Variants in PRKCE observed in about 807,000 individuals in gnomAD.
PRKCE encodes protein kinase C epsilon.
In PRKCE, 16 loss-of-function variants were observed where a neutral mutation model predicts 85.4. The observed-to-expected ratio is 0.19, with a 90% CI of 0.13 to 0.28. PRKCE has a LOEUF of 0.28. PRKCE is among the 10% of genes least tolerant of loss of function. The pLI is 1.00. For missense variants in PRKCE, 573 were observed against 975.2 expected (o/e 0.59, Z 5.49); for synonymous variants, 388 against 371.5 (o/e 1.04, Z -0.51).
At chr2:45,999,983 C>G (rs144445538) in intron 6 of PRKCE, among the ~76,000 whole-genome samples, 1 of 152,200 alleles carries the variant, frequency 6.6e-6, no homozygotes, top group Admixed American at 6.5e-5. Flanking sequence ...TCTGCTTATA[C>G]TGCCCATTTG....
intron 1 of PRKCE, among the ~76,000 whole-genome samples, chr2:45,727,789 G>A (rs570192965): frequency 3.1e-4 from 47 of 152,200 alleles, no homozygotes; most frequent in South Asian, 1.2e-3. Flanking sequence ...TGAGTAGCTG[G>A]GATTACAGGT....
intron 2 of PRKCE, among the ~76,000 whole-genome samples, chr2:45,931,973 T>C (rs1699079810): frequency 6.6e-6 from 1 of 152,068 alleles, no homozygotes; most frequent in Non-Finnish European, 1.5e-5. Flanking sequence ...CGCCTCAGCC[T>C]CCCCAAGTGC....
At chr2:46,149,452 C>T (rs1451423835) in intron 12 of PRKCE, among the ~76,000 whole-genome samples, 2 of 152,146 alleles carry the variant, frequency 1.3e-5, no homozygotes, top group Non-Finnish European at 2.9e-5. Context: ...CAGAGCCATG[C>T]CTAATCCCAC....
At chr2:46,040,356 C>T (rs1237950142) in intron 10 of PRKCE, among the ~76,000 whole-genome samples, 1 of 152,208 alleles carries the variant, frequency 6.6e-6, no homozygotes, top group Non-Finnish European at 1.5e-5. Context: ...AATCTGGTTA[C>T]ACTGGAGGGT....
intron 2 of PRKCE, among the ~76,000 whole-genome samples, chr2:45,892,570 T>C (rs577858548): frequency 1.3e-5 from 2 of 152,188 alleles, no homozygotes; most frequent in Admixed American, 6.5e-5. Context: ...AAGTTTGTGC[T>C]CTGTTTGTGT....
rs1675194926 is a variant in PRKCE at position 46,138,353 on chromosome 2, A to C, written c.1593-6740A>C. On this transcript the variant is annotated intron_variant, in intron 11 of 14. Transcript: ENST00000306156. This position sits in a 1 kb window ranked among gnomAD's most constrained non-coding sequence, Gnocchi z 4.2. ...TTTTATCTAATAGGTGGTCACGGGC[A>C]GTTATGTAGGGTCAGCCCACGCTGC... Among the ~76,000 whole-genome samples the C allele has an allele frequency of 6.6e-6, 1 of 152,206 alleles. No homozygotes were observed. The highest frequency in any genetic ancestry group is 1.9e-4 in the East Asian group (1 of 5,192).
intron 1 of PRKCE, among the ~76,000 whole-genome samples, chr2:45,838,504 C>G (rs1478517358): frequency 6.6e-6 from 1 of 152,182 alleles, no homozygotes; most frequent in African/African-American, 2.4e-5. Context: ...ATGAGTACCA[C>G]ACGTCCTCCC....
At position 46,184,784 on chromosome 2, in the gene PRKCE, A is replaced by G; in HGVS notation, c.2117A>G (p.Glu706Gly). 6.3e-7 allele frequency: 1 copy of G among 1,599,782 alleles called. No individual in the cohort carries two copies. The highest frequency in any genetic ancestry group is 8.5e-7 in the Non-Finnish European group (1 of 1,179,960). ...NNFDQDFTRE[E>G]PVLTLVDEAI... ...TTTGACCAAGACTTTACCCGGGAAG[A>G]GCCGGTACTCACCCTTGTGGACGAA... Residue 706 changes from glutamate to glycine, a missense_variant, in exon 15 of 15, where the codon GAG (glutamate) becomes GGG (glycine). Physicochemically the swap from Glu to Gly is moderately conservative, Grantham distance 98. Coordinates refer to ENST00000306156, the MANE Select transcript of PRKCE (RefSeq NM_005400.3). The surrounding 1 kb of genome is among the most constrained non-coding windows in gnomAD (Gnocchi z 5.0).
chr2:45,963,086 G>A (rs574654820), intron 2 of PRKCE, among the ~76,000 whole-genome samples: 5 of 152,118 alleles, frequency 3.3e-5, no homozygotes, highest in Admixed American at 6.5e-5. Context: ...CCTAAGGGAC[G>A]TCTATCTCCC....
At chr2:45,659,085 C>G (rs1319115013) in intron 1 of PRKCE, among the ~76,000 whole-genome samples, 2 of 152,192 alleles carry the variant, frequency 1.3e-5, no homozygotes, top group African/African-American at 2.4e-5. Context: ...CTAATTCCAG[C>G]TCATGCCTGA....
chr2:45,803,007 G>A (rs1039488887), intron 1 of PRKCE, among the ~76,000 whole-genome samples: 5 of 152,182 alleles, frequency 3.3e-5, no homozygotes, highest in African/African-American at 1.2e-4. Context: ...GAGCCATTTG[G>A]CTCACAGTAT....
upstream of PRKCE, chr2:45,651,645 G>GACCATGGTAGTGTTCAATGGCCT (rs1675125874): frequency 9.2e-6 from 1 of 108,162 alleles, no homozygotes; most frequent in Non-Finnish European, 1.9e-5. Flanking sequence ...TCCCCGCCCC[G>GACCATGGTAGTGTTCAATGGCCT]TCCCACCGCC....
At chr2:45,676,232 G>C (rs944186283) in intron 1 of PRKCE, 1 of 152,128 alleles carries the variant, frequency 6.6e-6, no homozygotes, top group South Asian at 2.1e-4. Context: ...TCTCTGCCGC[G>C]TGTTTGGCTC....
chr2:46,060,305 G>C (rs539302002), intron 10 of PRKCE, among the ~76,000 whole-genome samples: 2 of 143,260 alleles, frequency 1.4e-5, no homozygotes, highest in African/African-American at 2.7e-5. Flanking sequence ...ATCTCCATAC[G>C]TCAGGTCAGA....
At chr2:46,121,051 C>G (rs1463382945) in intron 11 of PRKCE, among the ~76,000 whole-genome samples, 1 of 152,194 alleles carries the variant, frequency 6.6e-6, no homozygotes, top group Non-Finnish European at 1.5e-5. Context: ...AGCATAGGAG[C>G]CTTTTGGACT....
At chr2:46,101,356 T>C (rs940913801) in intron 11 of PRKCE, among the ~76,000 whole-genome samples, 4 of 152,144 alleles carry the variant, frequency 2.6e-5, no homozygotes, top group African/African-American at 9.7e-5. Context: ...CAAGGAAGGC[T>C]TTCTGGAGGA....
rs866226374 is a variant in PRKCE, at chr2:45,849,345, C to G, written c.412+6282C>G. ...AGATCAAGCCCAGGTACAGGCATCCCATCGTGGTCTTTGTGGTCTCTTTTC... is the reference window on the plus strand; with the variant it reads ...AGATCAAGCCCAGGTACAGGCATCCGATCGTGGTCTTTGTGGTCTCTTTTC... On this transcript the variant is annotated intron_variant, in intron 2 of 14. Transcript: ENST00000306156. Among the ~76,000 whole-genome samples the G allele has an allele frequency of 3.9e-5, 6 of 152,102 alleles. 1 individual carries two copies. The highest frequency in any genetic ancestry group is 1.4e-4 in the African/African-American group (6 of 41,408).
At chr2:46,113,824 C>T (rs1211492498) in intron 11 of PRKCE, among the ~76,000 whole-genome samples, 1 of 152,164 alleles carries the variant, frequency 6.6e-6, no homozygotes, top group East Asian at 1.9e-4. Context: ...CCCATCATAT[C>T]ATAAAGCAGT....
chr2:45,912,051 G>C (rs930682159), intron 2 of PRKCE, among the ~76,000 whole-genome samples: 3 of 152,066 alleles, frequency 2.0e-5, no homozygotes, highest in Non-Finnish European at 2.9e-5. Context: ...ACGCATTCTG[G>C]TAGTGGAGTT....
Sources: allele counts gnomAD v4.1 joint callset (sites outside exome capture counted in the v4.1 genomes callset), GRCh38; gene constraint gnomAD v4.1.1; non-coding constraint Gnocchi (gnomAD v3.1); transcripts MANE v1.5; gene names NCBI Gene and HGNC (gene_info 2026-07-23, HGNC 2026-07-21).